The following SEC31A variants were observed in gnomAD, a reference collection of about 807,000 sequenced individuals.
SEC31A encodes the protein SEC31 homolog A, COPII component.
In SEC31A, 70 loss-of-function variants were observed where a neutral mutation model predicts 151.0. That is an observed-to-expected ratio of 0.46 (90% confidence interval 0.38 to 0.57). The LOEUF is 0.57. SEC31A is among the 20% of genes least tolerant of loss of function. The probability of loss-of-function intolerance (pLI) is 0.00; values close to 1 mark genes in which losing one functional copy is unlikely to be tolerated. For synonymous variants in SEC31A, 475 were observed against 505.9 expected (o/e 0.94, Z 0.82); for missense variants, 1,330 against 1,471.2 (o/e 0.90, Z 1.57).
At chr4:82,875,903 T>C (rs1560655724) in intron 4 of SEC31A, 81 bp from the exon 5 acceptor site, 2 of 682,594 alleles carry the variant, frequency 2.9e-6, no homozygotes, top group Non-Finnish European at 2.4e-6. Context: ...GCTAGAAAGA[T>C]ATTAGATGTA....
intron 6 of SEC31A, 79 bp from the exon 7 acceptor site, chr4:82,872,165 A>G: frequency 2.0e-6 from 2 of 1,003,734 alleles, no homozygotes; most frequent in Non-Finnish European, 3.1e-6. Context: ...ATATACCTTT[A>G]TTGAAACAAA....
intron 22 of SEC31A, among the ~76,000 whole-genome samples, chr4:82,841,684 A>T (rs13142072): frequency 0.66 from 98,979 of 149,824 alleles, 35,422 homozygotes; most frequent in Non-Finnish European, 0.79. Flanking sequence ...ACAAAAACTC[A>T]ATCAAGGCCA....
At chr4:82,825,613 A>T (rs1417222711) in intron 24 of SEC31A, among the ~76,000 whole-genome samples, 1 of 152,198 alleles carries the variant, frequency 6.6e-6, no homozygotes, top group Non-Finnish European at 1.5e-5. Context: ...AGCAGAGAGA[A>T]CAAGGAGTAT....
At chr4:82,867,495 G>A (rs753428168) in intron 8 of SEC31A, among the ~76,000 whole-genome samples, 179 bp from the exon 9 acceptor site, 2 of 152,164 alleles carry the variant, frequency 1.3e-5, no homozygotes, top group Non-Finnish European at 2.9e-5. Flanking sequence ...GATCCATTAC[G>A]ATGACCTATT....
intron 10 of SEC31A, 21 bp from the exon 11 acceptor site, chr4:82,864,619 AAACTCAGTGTT>A (rs1161256588): frequency 6.2e-7 from 1 of 1,607,026 alleles, no homozygotes; most frequent in Non-Finnish European, 8.5e-7. Context: ...GAGAATGAAC[AAACTCAGTGTT>A]AACCCAAGGA....
upstream of SEC31A, chr4:82,892,976 T>C (rs1384954228): frequency 6.6e-6 from 1 of 152,222 alleles, no homozygotes; most frequent in African/African-American, 2.4e-5. Context: ...AGCCTAATCC[T>C]GAATCAAATA....
At chr4:82,889,674 T>C (rs1741821151) in intron 1 of SEC31A, among the ~76,000 whole-genome samples, 1 of 152,204 alleles carries the variant, frequency 6.6e-6, no homozygotes, top group Admixed American at 6.5e-5. Context: ...ATCATTGCTC[T>C]TCACAGTTTA....
chr4:82,833,921 C>A (rs1018034942), intron 22 of SEC31A, among the ~76,000 whole-genome samples: 9 of 152,064 alleles, frequency 5.9e-5, no homozygotes, highest in Non-Finnish European at 8.8e-5. Flanking sequence ...AGAGGTAATC[C>A]CACAGTTTGA....
intron 17 of SEC31A, among the ~76,000 whole-genome samples, chr4:82,854,411 T>C (rs1281145635): frequency 6.6e-6 from 1 of 152,104 alleles, no homozygotes; most frequent in East Asian, 1.9e-4. Context: ...TTTATATTCT[T>C]ATAATTATTT....
chr4:82,842,311 AG>A lies in SEC31A; in HGVS notation c.2796del (p.Ser933LeufsTer69). ...QSQLYAAQHQ[A>X]SSPTSSPATS... Reference sequence around the variant, plus strand: ...GTAGCAGGGCTGGAGGTAGGTGAAGAGGCCTGGTGCTGTGCTGCGTACAGCT... The same window carrying A: ...GTAGCAGGGCTGGAGGTAGGTGAAGAGCCTGGTGCTGTGCTGCGTACAGCT... On this transcript the variant is annotated frameshift_variant, in exon 22 of 27. Coordinates refer to ENST00000395310, the MANE Select transcript of SEC31A (RefSeq NM_001077207.4). LOFTEE classifies it high-confidence loss of function. The A allele has an allele frequency of 6.2e-7, 1 of 1,613,614 alleles. No homozygotes were observed. The highest frequency in any genetic ancestry group is 8.5e-7 in the Non-Finnish European group (1 of 1,179,746).
chr4:82,881,033 C>T, intron 2 of SEC31A, 111 bp from the exon 3 acceptor site: 1 of 858,348 alleles, frequency 1.2e-6, no homozygotes, highest in Non-Finnish European at 1.8e-6. Context: ...ATGAATGCTG[C>T]ACATATGCCA....
Position 82,827,509 on chromosome 4 carries a change from A to T in SEC31A, c.3151T>A (p.Ser1051Thr), listed in dbSNP as rs144978009. The change falls in exon 24 of 27, where the codon TCA becomes ACA. Residue 1051 changes from serine (S) to threonine (T), a missense_variant. By Grantham distance (58) the Ser-to-Thr change is moderately conservative. Transcript: ENST00000395310. The stretch of plus-strand genomic sequence containing the variant: ...CCTGGAAGATGTGGCTGTGGGAATG[A>T]AGACTGGCTTGACAGTGGTACTGGA... ...SAPVPLSSQS[S>T]FPQPHLPGGQ... is the part of the protein sequence containing the mutation. The T allele has an allele frequency of 4.9e-5, 79 of 1,614,096 alleles. No homozygotes were observed. The highest frequency in any genetic ancestry group is 6.2e-5 in the Non-Finnish European group (73 of 1,180,044).
intron 1 of SEC31A, among the ~76,000 whole-genome samples, chr4:82,887,978 A>G (rs1287063080): frequency 6.6e-6 from 1 of 151,860 alleles, no homozygotes; most frequent in Non-Finnish European, 1.5e-5. Flanking sequence ...CCCGGGAGGC[A>G]GAGCTTGCAG....
At chr4:82,888,467 G>A (rs373350747) in intron 1 of SEC31A, among the ~76,000 whole-genome samples, 19 of 145,778 alleles carry the variant, frequency 1.3e-4, no homozygotes, top group East Asian at 4.2e-4. Context: ...CGAGGCGGGC[G>A]GATCACGAGG....
chr4:82,888,511 G>T (rs1320040780), intron 1 of SEC31A, among the ~76,000 whole-genome samples: 1 of 151,614 alleles, frequency 6.6e-6, no homozygotes, highest in Non-Finnish European at 1.5e-5. Flanking sequence ...CCAACCTGGT[G>T]AAACCCTGTC....
intron 16 of SEC31A, among the ~76,000 whole-genome samples, chr4:82,856,672 A>G (rs895109329): frequency 1.3e-5 from 2 of 152,048 alleles, no homozygotes; most frequent in African/African-American, 2.4e-5. Flanking sequence ...AATCGCTTGA[A>G]CCCAGAAGGT....
At chr4:82,841,296 A>G (rs1379038168) in intron 22 of SEC31A, among the ~76,000 whole-genome samples, 2 of 150,532 alleles carry the variant, frequency 1.3e-5, no homozygotes, top group Admixed American at 6.6e-5. Flanking sequence ...GGTGGTGCAC[A>G]CCTGTAATCC....
chr4:82,892,450 TCTTTG>T (rs1204818914), upstream of SEC31A, among the ~76,000 whole-genome samples: 3 of 152,262 alleles, frequency 2.0e-5, no homozygotes, highest in Non-Finnish European at 4.4e-5. Flanking sequence ...TCTCAACCTA[TCTTTG>T]CTTTGCTGTC....
At chr4:82,891,206 G>A (rs2125994419), upstream of SEC31A, 1 of 1,527,914 alleles carries the variant, frequency 6.5e-7, no homozygotes, top group Non-Finnish European at 8.8e-7. Flanking sequence ...GTTCCAACGT[G>A]GCAGCCGCAG....
Sources: gnomAD v4.1 joint callset for allele counts (sites outside exome capture counted in the v4.1 genomes callset) on GRCh38, gnomAD v4.1.1 for gene constraint, MANE v1.5 for transcripts, NCBI Gene and HGNC (gene_info 2026-07-23, HGNC 2026-07-21) for gene names.